Variants in OPRL1 observed in about 807,000 individuals in gnomAD.
OPRL1 encodes opioid related nociceptin receptor 1, also known as nociceptin receptor.
A neutral mutation model predicts 15.5 loss-of-function variants in OPRL1; 5 were observed. That is an observed-to-expected ratio of 0.32 (90% confidence interval 0.17 to 0.68). OPRL1 has a LOEUF of 0.68. Among genes scored for constraint, OPRL1 ranks in the 30% least tolerant of loss-of-function variants. The probability of loss-of-function intolerance (pLI) is 0.72; values close to 1 mark genes in which losing one functional copy is unlikely to be tolerated. For missense variants in OPRL1, 406 were observed against 515.3 expected (o/e 0.79, Z 2.05); for synonymous variants, 223 against 230.2 (o/e 0.97, Z 0.28).
At position 64,090,682 on chromosome 20, in the gene OPRL1, G is replaced by A. The variant is rs1160750701; in HGVS notation, c.-184-1284G>A. Among the ~76,000 whole-genome samples, 2 of 152,210 alleles carry A rather than the reference G, an allele frequency of 1.3e-5. No individual in the cohort carries two copies. The highest frequency in any genetic ancestry group is 6.5e-5 in the Admixed American group (1 of 15,288). ...GCTGAGAAGGAGGCAACTCTGAAGG[G>A]GCCATTCAGCTGTGTGGGTGCCAGG... On this transcript the variant is annotated intron_variant, in intron 1 of 4. Transcript: ENST00000336866. The surrounding 1 kb of genome is among the most constrained non-coding windows in gnomAD (Gnocchi z 4.9).
At chr20:64,086,698 C>G (rs1362171123) in intron 1 of OPRL1, 2 of 186,860 alleles carry the variant, frequency 1.1e-5, no homozygotes, top group Admixed American at 1.1e-4. Context: ...GTTAAAATCA[C>G]AAGGACAAAG....
At chr20:64,091,500 TG>T (rs1335346139) in intron 1 of OPRL1, among the ~76,000 whole-genome samples, 10 of 152,224 alleles carry the variant, frequency 6.6e-5, no homozygotes, top group African/African-American at 2.2e-4. Flanking sequence ...ACACAGCAGG[TG>T]CTGGGCCAGT....
intron 1 of OPRL1, among the ~76,000 whole-genome samples, chr20:64,081,775 CA>C (rs1260815327): frequency 3.9e-5 from 6 of 152,320 alleles, no homozygotes; most frequent in Non-Finnish European, 1.5e-5. Context: ...GCACATCCAG[CA>C]CCCCCTGCGC....
intron 3 of OPRL1, among the ~76,000 whole-genome samples, chr20:64,095,778 T>C (rs1008179676): frequency 2.0e-5 from 3 of 151,854 alleles, no homozygotes; most frequent in African/African-American, 7.3e-5. Flanking sequence ...CCGGAGGTGT[T>C]ATGTAGGTAG....
chr20:64,086,912 T>A (rs1601632240), intron 1 of OPRL1, among the ~76,000 whole-genome samples: 1 of 151,158 alleles, frequency 6.6e-6, no homozygotes, highest in Non-Finnish European at 1.5e-5. Context: ...GCCCTGGGGG[T>A]GGGAGTGGGG....
intron 3 of OPRL1, among the ~76,000 whole-genome samples, chr20:64,096,680 A>G (rs941359849): frequency 3.3e-5 from 5 of 151,948 alleles, no homozygotes; most frequent in African/African-American, 1.2e-4. Context: ...GCCACTGCCA[A>G]TATCGCCGCC....
In OPRL1 at chr20:64,099,019, C is replaced by T. The variant is rs575974386; in HGVS notation, c.*220C>T. ...CAAAGCATTAGGGCCACCTCCATGG[C>T]CCCAGACAGACTAAAGCTGCCCTCC... is the stretch of plus-strand genomic sequence containing the variant. On this transcript the variant is annotated 3_prime_UTR_variant, in exon 5 of 5. Transcript: ENST00000336866. 2 of 625,488 alleles carry T rather than the reference C, an allele frequency of 3.2e-6. No homozygotes were observed. The highest frequency in any genetic ancestry group is 5.8e-5 in the East Asian group (2 of 34,726). The allele number at this position is 625,488 out of a possible 1,614,324, so 38.7% of individuals were successfully genotyped here.
intron 1 of OPRL1, among the ~76,000 whole-genome samples, chr20:64,081,522 C>G (rs1369041752): frequency 6.6e-6 from 1 of 152,212 alleles, no homozygotes; most frequent in Admixed American, 6.5e-5. Flanking sequence ...ATTCCCCCGT[C>G]TCCTCTGGCC....
chr20:64,082,564 C>CT (rs1461836326), intron 1 of OPRL1, among the ~76,000 whole-genome samples: 1 of 152,180 alleles, frequency 6.6e-6, no homozygotes, highest in African/African-American at 2.4e-5. Context: ...AGCGGTTTGT[C>CT]TGAGTTCCTG....
chr20:64,098,349 C>T lies in OPRL1; in HGVS notation c.663C>T (p.Leu221=), dbSNP rs1182098119. 1.2e-6 allele frequency: 2 copies of T among 1,613,898 alleles called. No homozygotes were observed. Among genetic ancestry groups the T allele is most frequent in the African/African-American group, 1.3e-5 (1 of 74,932 alleles). The change falls in exon 5 of 5, where the codon CTC becomes CTT. Residue 221 remains leucine (L), a synonymous_variant. Coordinates refer to ENST00000336866, the MANE Select transcript of OPRL1 (RefSeq NM_182647.4). ...CGGTGTTTGCCATCTGCATCTTCCT[C>T]TTCTCCTTCATCGTCCCCGTGCTCG... ...WGPVFAICIF[L]FSFIVPVLVI... is the part of the protein sequence containing the mutation.
chr20:64,087,566 G>C (rs113922368), intron 1 of OPRL1, among the ~76,000 whole-genome samples: 2 of 3,616 alleles, frequency 5.5e-4, no homozygotes, highest in East Asian at 8.2e-3. Flanking sequence ...TCGCACACAA[G>C]CTCTGTGCTG....
At chr20:64,094,822 G>A (rs1479342081) in intron 3 of OPRL1, among the ~76,000 whole-genome samples, 1 of 1,504 alleles carries the variant, frequency 6.6e-4, no homozygotes. Context: ...GGGAGATGGT[G>A]TGGGGGGGAT....
At position 64,091,308 on chromosome 20, in the gene OPRL1, A is replaced by G. The variant is rs372133725; in HGVS notation, c.-184-658A>G. On this transcript the variant is annotated intron_variant, in intron 1 of 4. Transcript: ENST00000336866. The stretch of plus-strand genomic sequence containing the variant: ...CTGATCTGGGGCCCAGCTGTGGCAG[A>G]GGTGCCCTGGGCACTGATCTGGGGC... Among the ~76,000 whole-genome samples, 282 of 142,460 alleles carry G rather than the reference A, an allele frequency of 2.0e-3. 4 individuals carry two copies. Among genetic ancestry groups the G allele is most frequent in the East Asian group, 0.013 (58 of 4,380 alleles). The allele number at this position is 142,460 out of a possible 152,430, so 93.5% of individuals were successfully genotyped here. A position where few individuals can be genotyped will look rare whatever the true frequency, so the allele number is the denominator to read the frequency against.
chr20:64,099,084 C>G lies in OPRL1; in HGVS notation c.*285C>G, dbSNP rs538616735. ...GGGGACACAAGGACCTACCTGGAAG[C>G]AGCTGACATGCTGGTGGACGGCCGT... is the stretch of plus-strand genomic sequence containing the variant. On this transcript the variant is annotated 3_prime_UTR_variant, in exon 5 of 5. Coordinates refer to ENST00000336866, the MANE Select transcript of OPRL1 (RefSeq NM_182647.4). 2.0e-5 allele frequency: 9 copies of G among 439,554 alleles called. No individual in the cohort carries two copies. The highest frequency in any genetic ancestry group is 1.2e-4 in the African/African-American group (6 of 49,892). 27.2% of individuals were successfully genotyped at this position (439,554 alleles called of 1,614,324 possible). A position where few individuals can be genotyped will look rare whatever the true frequency, so the allele number is the denominator to read the frequency against.
Position 64,100,060 on chromosome 20 carries a change from T to C in OPRL1, c.*1261T>C, listed in dbSNP as rs1442237094. 2 of 151,418 alleles carry C rather than the reference T, an allele frequency of 1.3e-5. No homozygotes were observed. The highest frequency in any genetic ancestry group is 4.9e-5 in the African/African-American group (2 of 40,812). 9.4% of individuals were successfully genotyped at this position (151,418 alleles called of 1,614,324 possible). On this transcript the variant is annotated 3_prime_UTR_variant, in exon 5 of 5. Coordinates refer to ENST00000336866, the MANE Select transcript of OPRL1 (RefSeq NM_182647.4). ...AGGGGTGGGGCCTGGCAGGGCTTGC[T>C]TGAGCCAAACTGCAAAGGCTGTGGT...
At position 64,097,697 on chromosome 20, in the gene OPRL1, C is replaced by G; in HGVS notation, c.234-105C>G. On this transcript the variant is annotated intron_variant, in intron 3 of 4. Transcript: ENST00000336866. This position sits in a 1 kb window ranked among gnomAD's most constrained non-coding sequence, Gnocchi z 4.2. ...ATGGGAACTCTGATGTTAAGGGACT[C>G]AGGGCCACTGTAGCTTGTGGTGGCC... is the stretch of plus-strand genomic sequence containing the variant. The G allele has an allele frequency of 1.0e-6, 1 of 983,072 alleles. No homozygotes were observed. 60.9% of individuals were successfully genotyped at this position (983,072 alleles called of 1,614,324 possible). A position where few individuals can be genotyped will look rare whatever the true frequency, so the allele number is the denominator to read the frequency against.
Position 64,090,083 on chromosome 20 carries a change from A to C in OPRL1, c.-184-1883A>C, listed in dbSNP as rs1439456433. Among the ~76,000 whole-genome samples the C allele has an allele frequency of 1.3e-5, 2 of 152,114 alleles. No individual in the cohort carries two copies. Among genetic ancestry groups the C allele is most frequent in the African/African-American group, 2.4e-5 (1 of 41,402 alleles). On this transcript the variant is annotated intron_variant, in intron 1 of 4. Transcript: ENST00000336866. The surrounding 1 kb of genome is among the most constrained non-coding windows in gnomAD (Gnocchi z 4.9). ...TGTCTGCCTGTTCCCAAAGGTGTCC[A>C]TGCACACTCTAGGTCTACCCATGTG...
intron 1 of OPRL1, chr20:64,086,635 T>C (rs2060054114): frequency 5.1e-6 from 1 of 196,334 alleles, no homozygotes; most frequent in African/African-American, 2.4e-5. Context: ...TTTAACATGA[T>C]ATTGAGAAGC....
chr20:64,088,676 T>A (rs79879157), intron 1 of OPRL1, among the ~76,000 whole-genome samples: 10 of 131,842 alleles, frequency 7.6e-5, no homozygotes, highest in African/African-American at 2.7e-4. Flanking sequence ...CTGTGCAGAG[T>A]GGCCAGGATC....
Sources: gnomAD v4.1 joint callset for allele counts (sites outside exome capture counted in the v4.1 genomes callset) on GRCh38, gnomAD v4.1.1 for gene constraint, Gnocchi (gnomAD v3.1) non-coding constraint, MANE v1.5 for transcripts, NCBI Gene and HGNC (gene_info 2026-07-23, HGNC 2026-07-21) for gene names.